VEGFC: variants seen among roughly 807,000 people sequenced by gnomAD.
VEGFC encodes the protein vascular endothelial growth factor C, also known as FLT4 ligand DHM.
VEGFC carries 12 observed loss-of-function variants against 46.1 expected under a neutral mutation model. The ratio of observed to expected loss-of-function variants is 0.26; its 90% confidence interval spans 0.17 to 0.42. The LOEUF is 0.42. Among genes scored for constraint, VEGFC ranks in the 10% least tolerant of loss-of-function variants. The pLI is 1.00. For synonymous variants in VEGFC, 232 were observed against 195.5 expected (o/e 1.19, Z -1.56); for missense variants, 488 against 529.4 (o/e 0.92, Z 0.77).
intron 1 of VEGFC, among the ~76,000 whole-genome samples, chr4:176,749,905 T>C (rs111703131): frequency 4.0e-5 from 6 of 151,860 alleles, no homozygotes; most frequent in African/African-American, 7.2e-5. Context: ...TTCTATAACA[T>C]ATTGTGTCTC....
At chr4:176,728,508 T>A (rs1734909889) in intron 2 of VEGFC, among the ~76,000 whole-genome samples, 1 of 152,162 alleles carries the variant, frequency 6.6e-6, no homozygotes, top group Admixed American at 6.5e-5. Context: ...CTACATAAAA[T>A]ACAAGGCTAT....
chr4:176,773,761 C>T (rs1401845329), intron 1 of VEGFC, among the ~76,000 whole-genome samples: 1 of 152,168 alleles, frequency 6.6e-6, no homozygotes, highest in Non-Finnish European at 1.5e-5. Flanking sequence ...CAGGTCACTA[C>T]AGCCTTGGAC....
intron 1 of VEGFC, among the ~76,000 whole-genome samples, chr4:176,760,541 C>G (rs1356753124): frequency 6.6e-6 from 1 of 152,044 alleles, no homozygotes; most frequent in East Asian, 1.9e-4. Context: ...TGAAGTTTCC[C>G]CAGAGTAGTA....
chr4:176,749,450 T>A (rs1176290760), intron 1 of VEGFC, among the ~76,000 whole-genome samples: 2 of 151,884 alleles, frequency 1.3e-5, no homozygotes, highest in Non-Finnish European at 2.9e-5. Flanking sequence ...TTGTGTATTT[T>A]TTAGCACACT....
At position 176,792,397 on chromosome 4, in the gene VEGFC, C is replaced by G; in HGVS notation, c.-86G>C. ...CGCCCCTGCGAGGCCGCGGGCCCCT[C>G]CTGGTCCCTCTCCCCCGGGCTCCTC... On this transcript the variant is annotated 5_prime_UTR_variant, in exon 1 of 7. Transcript: ENST00000618562. The surrounding 1 kb of genome is among the most constrained non-coding windows in gnomAD (Gnocchi z 6.3). The G allele has an allele frequency of 9.2e-6, 10 of 1,083,314 alleles. No homozygotes were observed. The highest frequency in any genetic ancestry group is 1.2e-5 in the Non-Finnish European group (10 of 808,738). 67.1% of individuals were successfully genotyped at this position (1,083,314 alleles called of 1,614,324 possible).
intron 1 of VEGFC, among the ~76,000 whole-genome samples, chr4:176,737,574 A>T (rs1156564938): frequency 6.6e-6 from 1 of 151,090 alleles, no homozygotes; most frequent in African/African-American, 2.4e-5. Context: ...CACTTGATTA[A>T]AAAAGGCCCC....
At chr4:176,695,225 C>G (rs1488635258) in intron 4 of VEGFC, among the ~76,000 whole-genome samples, 1 of 151,878 alleles carries the variant, frequency 6.6e-6, no homozygotes, top group Non-Finnish European at 1.5e-5. Flanking sequence ...AATTGATAGA[C>G]TGCTAGCAAG....
Position 176,712,086 on chromosome 4 carries a change from C to T in VEGFC, c.553-436G>A, listed in dbSNP as rs183224432. On this transcript the variant is annotated intron_variant, in intron 3 of 6. Transcript: ENST00000618562. ...CTATTGGCCACACAACCCAGAAATACTTGGTTATGACCTACTTTAAATAAA... is the reference window on the plus strand; with the variant it reads ...CTATTGGCCACACAACCCAGAAATATTTGGTTATGACCTACTTTAAATAAA... Among the ~76,000 whole-genome samples, 120 of 152,258 alleles carry T rather than the reference C, an allele frequency of 7.9e-4. 1 individual carries two copies. The Middle Eastern group carries it at 0.058, about 73-fold the overall frequency.
chr4:176,792,239 C>T lies in VEGFC; in HGVS notation c.73G>A (p.Ala25Thr). The change falls in exon 1 of 7, where the codon GCG (alanine) becomes ACG (threonine). Residue 25 changes from alanine (A) to threonine (T), a missense_variant. Physicochemically the swap from Ala to Thr is moderately conservative, Grantham distance 58. Transcript: ENST00000618562. This position sits in a 1 kb window ranked among gnomAD's most constrained non-coding sequence, Gnocchi z 6.3. Reference protein sequence around the residue: ...AAALLPGPREAPAAAAAFESG... With the variant: ...AAALLPGPRETPAAAAAFESG... ...TCGAAGGCGGCGGCGGCGGCGGGCG[C>T]CTCGCGAGGACCCGGGAGCAGCGCA... 6.4e-7 allele frequency: 1 copy of T among 1,556,914 alleles called. No individual in the cohort carries two copies. Among genetic ancestry groups the T allele is most frequent in the Admixed American group, 1.9e-5 (1 of 51,838 alleles).
intron 3 of VEGFC, among the ~76,000 whole-genome samples, chr4:176,722,148 A>G (rs1351400026): frequency 1.3e-5 from 2 of 152,200 alleles, no homozygotes; most frequent in African/African-American, 4.8e-5. Flanking sequence ...AACTGAAAAA[A>G]AAATCAACCA....
intron 2 of VEGFC, among the ~76,000 whole-genome samples, chr4:176,728,640 C>A (rs957686134): frequency 6.6e-6 from 1 of 152,156 alleles, no homozygotes; most frequent in Non-Finnish European, 1.5e-5. Flanking sequence ...ATACTGTTGA[C>A]TTTTTAAATT....
intron 4 of VEGFC, among the ~76,000 whole-genome samples, chr4:176,698,413 A>G (rs1030649266): frequency 6.6e-6 from 1 of 151,994 alleles, no homozygotes; most frequent in Non-Finnish European, 1.5e-5. Flanking sequence ...ACATTTGTAT[A>G]TACATATACA....
intron 1 of VEGFC, among the ~76,000 whole-genome samples, chr4:176,756,724 C>A (rs1735438961): frequency 6.6e-6 from 1 of 151,970 alleles, no homozygotes; most frequent in South Asian, 2.1e-4. Context: ...GATATTATCT[C>A]ATTTACAATG....
At chr4:176,730,789 C>T (rs1202150421) in intron 1 of VEGFC, among the ~76,000 whole-genome samples, 3 of 151,998 alleles carry the variant, frequency 2.0e-5, no homozygotes, top group African/African-American at 7.2e-5. Context: ...AAATTGAAAT[C>T]TTATTTAATC....
In VEGFC at chr4:176,687,222, C is replaced by T; in HGVS notation, c.1110G>A (p.Leu370=). The part of the protein sequence containing the change: ...CECTESPQKC[L]LKGKKFHHQT... ...GGTGGTGGAACTTCTTTCCTTTTAA[C>T]AAGCATTTCTGTGGACTTTCTGTAC... Residue 370 remains leucine, a synonymous_variant, in exon 6 of 7, where the codon TTG becomes TTA. Coordinates refer to ENST00000618562, the MANE Select transcript of VEGFC (RefSeq NM_005429.5). 1 of 1,613,212 alleles carries T rather than the reference C, an allele frequency of 6.2e-7. No homozygotes were observed.
At position 176,684,055 on chromosome 4, in the gene VEGFC, A is replaced by C. The variant is rs768297437; in HGVS notation, c.1146-15T>G. 3.8e-5 allele frequency: 61 copies of C among 1,587,118 alleles called. No homozygotes were observed. The highest frequency in any genetic ancestry group is 4.7e-5 in the Non-Finnish European group (54 of 1,155,574). ...GTCTGTAACAGCTAGGAGAACAAACAAGAACACACTTACGTTAAAGATCAA... is the reference window on the plus strand; with the variant it reads ...GTCTGTAACAGCTAGGAGAACAAACCAGAACACACTTACGTTAAAGATCAA... On this transcript the variant is annotated splice_polypyrimidine_tract_variant and intron_variant, in intron 6 of 6. Coordinates refer to ENST00000618562, the MANE Select transcript of VEGFC (RefSeq NM_005429.5).
intron 1 of VEGFC, among the ~76,000 whole-genome samples, chr4:176,770,976 T>C (rs1735711402): frequency 2.0e-5 from 1 of 51,052 alleles, no homozygotes; most frequent in Non-Finnish European, 4.0e-5. Context: ...TGCAAGTAAC[T>C]GATACACACA....
intron 1 of VEGFC, among the ~76,000 whole-genome samples, chr4:176,790,794 G>C (rs1165543175): frequency 6.6e-6 from 1 of 152,126 alleles, no homozygotes; most frequent in Non-Finnish European, 1.5e-5. Flanking sequence ...AAGCGTTATT[G>C]AGCCGATTAT....
chr4:176,787,082 T>A (rs1019438506), intron 1 of VEGFC, among the ~76,000 whole-genome samples: 13 of 152,184 alleles, frequency 8.5e-5, no homozygotes, highest in African/African-American at 2.6e-4. Context: ...CAGTGAAGAT[T>A]AGAAATATTT....
Sources: allele counts gnomAD v4.1 joint callset (sites outside exome capture counted in the v4.1 genomes callset), GRCh38; gene constraint gnomAD v4.1.1; non-coding constraint Gnocchi (gnomAD v3.1); transcripts MANE v1.5; gene names NCBI Gene and HGNC (gene_info 2026-07-23, HGNC 2026-07-21).